MYH11: variants seen among roughly 807,000 people sequenced by gnomAD.
MYH11 encodes myosin-11.
A neutral mutation model predicts 246.6 loss-of-function variants in MYH11; 80 were observed. That is an observed-to-expected ratio of 0.32 (90% CI 0.27 to 0.39). The LOEUF (loss-of-function observed/expected upper bound fraction) is 0.39. MYH11 is among the 10% of genes least tolerant of loss of function. The pLI is 1.00. For synonymous variants in MYH11, 1,071 were observed against 1,015.5 expected, an observed-to-expected ratio of 1.05 and a Z score of -1.04; for missense variants, 2,158 against 2,546.8, an observed-to-expected ratio of 0.85 and a Z score of 3.29.
chr16:15,754,867 G>A (rs2041669971), intron 14 of MYH11, among the ~76,000 whole-genome samples: 1 of 152,050 alleles, frequency 6.6e-6, no homozygotes, highest in South Asian at 2.1e-4. Context: ...TTTATTTTTA[G>A]CAGAGACGGG....
At chr16:15,749,588 C>T (rs1288888307) in intron 16 of MYH11, 1 of 157,564 alleles carries the variant, frequency 6.3e-6, no homozygotes, top group East Asian at 1.9e-4. Context: ...CTCCCCGTGT[C>T]TCCCATAACC....
rs1438598016 is a variant in MYH11 at position 15,855,058 on chromosome 16, G to T, written c.-18+1883C>A. On this transcript the variant is annotated intron_variant, in intron 1 of 40. Coordinates refer to ENST00000300036, the MANE Select transcript of MYH11 (RefSeq NM_002474.3). ...TCATGGAAAACGCTTCCATAAATGG[G>T]CATGTTTGCCTCAATCTCTGCCCTC... Among the ~76,000 whole-genome samples the T allele has an allele frequency of 2.0e-5, 3 of 152,222 alleles. No individual in the cohort carries two copies. The East Asian group carries it at 5.8e-4, about 29-fold the overall frequency.
At chr16:15,811,804 G>A (rs1032186858) in intron 3 of MYH11, among the ~76,000 whole-genome samples, 2 of 152,130 alleles carry the variant, frequency 1.3e-5, no homozygotes, top group Non-Finnish European at 2.9e-5. Context: ...AGCTGATAAA[G>A]GCTGGCTGTT....
rs761287190 is a variant in MYH11 at position 15,823,459 on chromosome 16, C to T, written c.346-48G>A. ...ACTTCCAGACCTCCTCCAGGGTAGACAGATTGCACAGAAGCACTCAATATT... is the reference window on the plus strand; with the variant it reads ...ACTTCCAGACCTCCTCCAGGGTAGATAGATTGCACAGAAGCACTCAATATT... On this transcript the variant is annotated intron_variant, in intron 2 of 40. Coordinates refer to ENST00000300036, the MANE Select transcript of MYH11 (RefSeq NM_002474.3). The T allele has an allele frequency of 4.3e-6, 7 of 1,609,954 alleles. No homozygotes were observed. In the South Asian group the frequency reaches 4.4e-5, roughly 10 times the overall value.
intron 6 of MYH11, among the ~76,000 whole-genome samples, chr16:15,780,585 G>A (rs11075281): frequency 0.19 from 27,832 of 145,576 alleles, 2,718 homozygotes; most frequent in East Asian, 0.31. Context: ...CGGGTTCAAG[G>A]AATTCTCCCA....
At chr16:15,747,535 G>C (rs755612367) in intron 19 of MYH11, 35 bp downstream of exon 19, 90 of 1,613,718 alleles carry the variant, frequency 5.6e-5, no homozygotes, top group Non-Finnish European at 7.5e-5. Context: ...TGTGATTCGC[G>C]TTTGAGGTAT....
intron 9 of MYH11, among the ~76,000 whole-genome samples, chr16:15,770,344 C>T (rs377364194): frequency 6.6e-6 from 1 of 152,134 alleles, no homozygotes; most frequent in African/African-American, 2.4e-5. Flanking sequence ...CGGGCGTAGG[C>T]GTGGGAAGGA....
At chr16:15,778,363 C>T (rs1385710532) in intron 7 of MYH11, among the ~76,000 whole-genome samples, 1 of 152,162 alleles carries the variant, frequency 6.6e-6, no homozygotes, top group African/African-American at 2.4e-5. Context: ...GAAGATCATA[C>T]GATAGACACT....
intron 2 of MYH11, among the ~76,000 whole-genome samples, chr16:15,824,840 C>T (rs1203502664): frequency 6.6e-6 from 1 of 152,164 alleles, no homozygotes; most frequent in Non-Finnish European, 1.5e-5. Flanking sequence ...GAGGCATCTC[C>T]TCGTGGCATC....
At position 15,803,762 on chromosome 16, in the gene MYH11, G is replaced by C. The variant is rs79813038; in HGVS notation, c.503-5075C>G. On this transcript the variant is annotated intron_variant, in intron 3 of 40. Transcript: ENST00000300036. Reference sequence around the variant, plus strand: ...CTTGTGAATCCTAGGCCCAGAGCAGGAGAGATTTATAGGCTCAGATGCTCA... The same window carrying C: ...CTTGTGAATCCTAGGCCCAGAGCAGCAGAGATTTATAGGCTCAGATGCTCA... Among the ~76,000 whole-genome samples, 1,309 of 152,314 alleles carry C rather than the reference G, an allele frequency of 8.6e-3. 17 individuals carry two copies. Among genetic ancestry groups the C allele is most frequent in the African/African-American group, 0.028 (1,178 of 41,564 alleles).
intron 6 of MYH11, among the ~76,000 whole-genome samples, chr16:15,781,396 C>G (rs533028863): frequency 4.7e-4 from 71 of 152,248 alleles, no homozygotes; most frequent in African/African-American, 1.7e-3. Flanking sequence ...ATCACAGGGT[C>G]AGGGACCACC....
chr16:15,742,385 A>G (rs2041298679), intron 20 of MYH11, among the ~76,000 whole-genome samples: 1 of 152,142 alleles, frequency 6.6e-6, no homozygotes, highest in Non-Finnish European at 1.5e-5. Flanking sequence ...CTCTTTTTCT[A>G]TGTTTAAAAA....
rs373895202 is a variant in MYH11, at chr16:15,763,915, A to G, written c.1034-24T>C. The G allele has an allele frequency of 4.6e-5, 73 of 1,591,408 alleles. No individual in the cohort carries two copies. The African/African-American group carries it at 7.6e-4, about 17-fold the overall frequency. ...GGCTGAGGTGGGGAGAGAAGGGCAG[A>G]GCAGACACAAAGGTCAATGCCAAGG... On this transcript the variant is annotated intron_variant, in intron 9 of 40. Transcript: ENST00000300036.
intron 10 of MYH11, 55 bp downstream of exon 10, chr16:15,763,741 T>TCCGGGCCCCCC: frequency 3.1e-6 from 2 of 646,860 alleles, no homozygotes; most frequent in Non-Finnish European, 5.8e-6. Context: ...AAATGTCACC[T>TCCGGGCCCCCC]CCCCCACCCC....
intron 9 of MYH11, among the ~76,000 whole-genome samples, chr16:15,771,053 G>A (rs1169421042): frequency 6.6e-6 from 1 of 151,510 alleles, no homozygotes; most frequent in African/African-American, 2.4e-5. Flanking sequence ...GGAGTGGAGT[G>A]GTGTAATCTT....
intron 2 of MYH11, among the ~76,000 whole-genome samples, chr16:15,823,656 ACT>A (rs1381071156): frequency 1.3e-5 from 2 of 151,896 alleles, no homozygotes; most frequent in African/African-American, 4.8e-5. Flanking sequence ...ATGGGGTCTC[ACT>A]CTGTCACCTA....
intron 14 of MYH11, among the ~76,000 whole-genome samples, chr16:15,755,776 A>G (rs982602906): frequency 6.6e-6 from 1 of 152,212 alleles, no homozygotes; most frequent in Non-Finnish European, 1.5e-5. Context: ...TACTAAAAAT[A>G]CAAAAATTAG....
intron 5 of MYH11, 53 bp downstream of exon 5, chr16:15,786,577 A>G (rs1330427850): frequency 6.6e-7 from 1 of 1,522,354 alleles, no homozygotes; most frequent in East Asian, 2.3e-5. Context: ...TTGGGCTGCA[A>G]GCTGGAGACC....
chr16:15,784,840 G>A, intron 5 of MYH11: 1 of 1,036,662 alleles, frequency 9.6e-7, no homozygotes, highest in Non-Finnish European at 1.5e-6. Context: ...CAGACAGACT[G>A]GTCAGCTCCT....
Sources: allele counts gnomAD v4.1 joint callset (sites outside exome capture counted in the v4.1 genomes callset), GRCh38; gene constraint gnomAD v4.1.1; transcripts MANE v1.5; gene names NCBI Gene and HGNC (gene_info 2026-07-23, HGNC 2026-07-21).